ZNF317: variants seen among roughly 807,000 people sequenced by gnomAD.
ZNF317 encodes the protein KRAB-containing zinc finger protein 317.
Under a neutral mutation model 23.4 loss-of-function variants are expected in ZNF317, and 17 were observed. The observed-to-expected ratio is 0.73, with a 90% CI of 0.50 to 1.09. The LOEUF is 1.09. ZNF317 is among the 50% of genes least tolerant of loss of function. The pLI is 0.00. For synonymous variants in ZNF317, 317 were observed against 314.9 expected, an observed-to-expected ratio of 1.01 and a Z score of -0.07; for missense variants, 679 against 796.7, an observed-to-expected ratio of 0.85 and a Z score of 1.78.
chr19:9,161,573 C>G lies in ZNF317; in HGVS notation c.*140C>G, dbSNP rs1164206398. On this transcript the variant is annotated 3_prime_UTR_variant, in exon 7 of 7. Transcript: ENST00000247956. This position sits in a 1 kb window ranked among gnomAD's most constrained non-coding sequence, Gnocchi z 4.0. ...GGGAGAAGTCCAGTTCCTGTAAAAA[C>G]TGGGAAGACGAGGCGTTCTCATCCC... 10 of 1,335,684 alleles carry G rather than the reference C, an allele frequency of 7.5e-6. No individual in the cohort carries two copies. The highest frequency in any genetic ancestry group is 1.0e-5 in the Non-Finnish European group (10 of 986,680). The allele number at this position is 1,335,684 out of a possible 1,614,324, so 82.7% of individuals were successfully genotyped here. A position where few individuals can be genotyped will look rare whatever the true frequency, so the allele number is the denominator to read the frequency against.
rs1378088745 is a variant in ZNF317, at chr19:9,160,958, ACT to A, written c.1317_1318del (p.Thr441TrpfsTer44). The A allele has an allele frequency of 1.2e-6, 2 of 1,613,888 alleles. No individual in the cohort carries two copies. The highest frequency in any genetic ancestry group is 1.7e-6 in the Non-Finnish European group (2 of 1,180,002). Reference sequence around the variant, plus strand: ...CAGTCCATCCTTAAGACTCACATGAACTCTCACACTGGAGAGAAACCATACGG... The same window carrying A: ...CAGTCCATCCTTAAGACTCACATGAACTCACACTGGAGAGAAACCATACGG... On this transcript the variant is annotated frameshift_variant, in exon 7 of 7. Coordinates refer to ENST00000247956, the MANE Select transcript of ZNF317 (RefSeq NM_020933.5). LOFTEE classifies it low-confidence loss of function (END_TRUNC). The surrounding 1 kb of genome is among the most constrained non-coding windows in gnomAD (Gnocchi z 6.8).
At position 9,157,975 on chromosome 19, in the gene ZNF317, T is replaced by C. The variant is rs1377310882; in HGVS notation, c.290-5T>C. On this transcript the variant is annotated splice_polypyrimidine_tract_variant and splice_region_variant and intron_variant, in intron 4 of 6. Coordinates refer to ENST00000247956, the MANE Select transcript of ZNF317 (RefSeq NM_020933.5). The stretch of plus-strand genomic sequence containing the variant: ...CCTCAACCTGTGTCTTTCCCGTGAG[T>C]GTAGGGTATCAGGTCGGCAAACCCA... 2.6e-6 allele frequency: 4 copies of C among 1,550,846 alleles called. No homozygotes were observed. In the East Asian group the frequency reaches 7.3e-5, roughly 28 times the overall value.
At position 9,160,564 on chromosome 19, in the gene ZNF317, A is replaced by G. The variant is rs575143508; in HGVS notation, c.919A>G (p.Lys307Glu). The G allele has an allele frequency of 3.7e-6, 6 of 1,614,104 alleles. No homozygotes were observed. The highest frequency in any genetic ancestry group is 5.1e-6 in the Non-Finnish European group (6 of 1,180,028). Residue 307 changes from lysine to glutamate, a missense_variant, in exon 7 of 7, where the codon AAG becomes GAG. Coordinates refer to ENST00000247956, the MANE Select transcript of ZNF317 (RefSeq NM_020933.5). This position sits in a 1 kb window ranked among gnomAD's most constrained non-coding sequence, Gnocchi z 6.8. ...AGTTCACACTGGCGAGAGGCCTTAC[A>G]AGTGTGATCAGTGCGGGAAGGCTTA... ...MRVHTGERPY[K>E]CDQCGKAYGR...
Position 9,162,654 on chromosome 19 carries a change from A to G in ZNF317, c.*1221A>G, listed in dbSNP as rs1391340067. 6.6e-6 allele frequency: 1 copy of G among 151,648 alleles called. No homozygotes were observed. Among genetic ancestry groups the G allele is most frequent in the Non-Finnish European group, 1.5e-5 (1 of 67,966 alleles). The allele number at this position is 151,648 out of a possible 1,614,324, so 9.4% of individuals were successfully genotyped here. A position where few individuals can be genotyped will look rare whatever the true frequency, so the allele number is the denominator to read the frequency against. On this transcript the variant is annotated 3_prime_UTR_variant, in exon 7 of 7. Transcript: ENST00000247956. ...CATGAAAACAGAGCCCCGTTCATAA[A>G]TTTTTCATCTTTATTTTTAAGGTTA... is the stretch of plus-strand genomic sequence containing the variant.
intron 1 of ZNF317, among the ~76,000 whole-genome samples, chr19:9,155,442 A>G (rs2050773499): frequency 1.3e-5 from 2 of 152,208 alleles, no homozygotes; most frequent in Admixed American, 6.5e-5. Context: ...TTTCCAAATC[A>G]TTGCCTGTGA....
At position 9,160,027 on chromosome 19, in the gene ZNF317, G is replaced by A. The variant is rs766893595; in HGVS notation, c.469-87G>A. On this transcript the variant is annotated intron_variant, in intron 6 of 6. Coordinates refer to ENST00000247956, the MANE Select transcript of ZNF317 (RefSeq NM_020933.5). This position sits in a 1 kb window ranked among gnomAD's most constrained non-coding sequence, Gnocchi z 6.8. Reference sequence around the variant, plus strand: ...TAGTCATAGTAATGTGCTTCTATCTGTTCATAGCAGTGTATGTGGGGATGA... The same window carrying A: ...TAGTCATAGTAATGTGCTTCTATCTATTCATAGCAGTGTATGTGGGGATGA... 5.9e-5 allele frequency: 93 copies of A among 1,563,764 alleles called. No homozygotes were observed. Among genetic ancestry groups the A allele is most frequent in the Non-Finnish European group, 7.8e-5 (90 of 1,148,874 alleles).
In ZNF317 at chr19:9,150,685, T is replaced by G. The variant is rs1346602463; in HGVS notation, c.-92-5240T>G. Among the ~76,000 whole-genome samples the G allele has an allele frequency of 2.6e-5, 4 of 152,140 alleles. No homozygotes were observed. In the East Asian group the frequency reaches 7.7e-4, roughly 29 times the overall value. On this transcript the variant is annotated intron_variant, in intron 1 of 6. Transcript: ENST00000247956. Reference sequence around the variant, plus strand: ...CAGACTGGGATGAGTGGGCTATGGCTGCAAGAGCAGTGGCATTCCCAGGAA... The same window carrying G: ...CAGACTGGGATGAGTGGGCTATGGCGGCAAGAGCAGTGGCATTCCCAGGAA...
intron 1 of ZNF317, among the ~76,000 whole-genome samples, chr19:9,141,182 A>G (rs529080116): frequency 3.3e-5 from 5 of 152,124 alleles, no homozygotes; most frequent in African/African-American, 7.2e-5. Context: ...AATATTTTCC[A>G]TTGAATTTTA....
At chr19:9,149,594 A>T (rs1441273250) in intron 1 of ZNF317, among the ~76,000 whole-genome samples, 2 of 151,932 alleles carry the variant, frequency 1.3e-5, no homozygotes, top group Admixed American at 6.6e-5. Flanking sequence ...CAAGCAGAGG[A>T]GCAGCAGGTG....
In ZNF317 at chr19:9,156,104, G is replaced by C. The variant is rs917634360; in HGVS notation, c.25+63G>C. On this transcript the variant is annotated intron_variant, in intron 2 of 6. Coordinates refer to ENST00000247956, the MANE Select transcript of ZNF317 (RefSeq NM_020933.5). ...GTGCAAGTGGCCCCTGCCACTTGAT[G>C]GGGTGAAAGATACGTACACCATAGA... The C allele has an allele frequency of 4.4e-6, 7 of 1,594,422 alleles. No individual in the cohort carries two copies. The African/African-American group carries it at 9.4e-5, about 21-fold the overall frequency.
rs1420450068 is a variant in ZNF317 at position 9,140,403 on chromosome 19, G to A, written c.-282G>A. The stretch of plus-strand genomic sequence containing the variant: ...GCGAGAATTGGAAGGCGGCAGTGAA[G>A]CGGAAGCCATTACTCTCTGGAGTCG... On this transcript the variant is annotated 5_prime_UTR_variant, in exon 1 of 7. Transcript: ENST00000247956. The A allele has an allele frequency of 2.5e-6, 1 of 392,496 alleles. No homozygotes were observed. The allele number at this position is 392,496 out of a possible 1,614,324, so 24.3% of individuals were successfully genotyped here. A position where few individuals can be genotyped will look rare whatever the true frequency, so the allele number is the denominator to read the frequency against.
At position 9,161,548 on chromosome 19, in the gene ZNF317, G is replaced by A; in HGVS notation, c.*115G>A. 6.9e-7 allele frequency: 1 copy of A among 1,457,642 alleles called. No individual in the cohort carries two copies. The allele number at this position is 1,457,642 out of a possible 1,614,324, so 90.3% of individuals were successfully genotyped here. On this transcript the variant is annotated 3_prime_UTR_variant, in exon 7 of 7. Coordinates refer to ENST00000247956, the MANE Select transcript of ZNF317 (RefSeq NM_020933.5). The surrounding 1 kb of genome is among the most constrained non-coding windows in gnomAD (Gnocchi z 4.0). ...GGGTGCAAAAGAATCCACGGAACTTGGGAGAAGTCCAGTTCCTGTAAAAAC... is the reference window on the plus strand; with the variant it reads ...GGGTGCAAAAGAATCCACGGAACTTAGGAGAAGTCCAGTTCCTGTAAAAAC...
chr19:9,160,250 C>T lies in ZNF317; in HGVS notation c.605C>T (p.Ala202Val), dbSNP rs529554441. ...TATCACCGCCGCGACTATGGGGTAG[C>T]GTTCAAGGGCAGGCCGCACCTCACT... ...RPYHRRDYGV[A>V]FKGRPHLTQH... Residue 202 changes from alanine (A) to valine (V), a missense_variant, in exon 7 of 7, where the codon GCG (alanine) becomes GTG (valine). Physicochemically the swap from Ala to Val is moderately conservative, Grantham distance 64. Coordinates refer to ENST00000247956, the MANE Select transcript of ZNF317 (RefSeq NM_020933.5). This position sits in a 1 kb window ranked among gnomAD's most constrained non-coding sequence, Gnocchi z 6.8. 9 of 1,614,026 alleles carry T rather than the reference C, an allele frequency of 5.6e-6. No individual in the cohort carries two copies. The highest frequency in any genetic ancestry group is 2.7e-5 in the African/African-American group (2 of 74,912).
At chr19:9,157,734 G>A (rs2050801143) in intron 4 of ZNF317, 2 of 911,922 alleles carry the variant, frequency 2.2e-6, no homozygotes, top group Non-Finnish European at 2.9e-6. Flanking sequence ...TCACTATGTT[G>A]CCCAGACTGA....
In ZNF317 at chr19:9,157,737, C is replaced by T. The variant is rs2050801233; in HGVS notation, c.290-243C>T. The T allele has an allele frequency of 2.7e-6, 3 of 1,099,988 alleles. No individual in the cohort carries two copies. In the South Asian group the frequency reaches 8.4e-5, roughly 31 times the overall value. 68.1% of individuals were successfully genotyped at this position (1,099,988 alleles called of 1,614,324 possible). A position where few individuals can be genotyped will look rare whatever the true frequency, so the allele number is the denominator to read the frequency against. ...GATGAAGGGTTCTCACTATGTTGCC[C>T]AGACTGATCTTGAACTCCTGGCTAC... On this transcript the variant is annotated intron_variant, in intron 4 of 6. Coordinates refer to ENST00000247956, the MANE Select transcript of ZNF317 (RefSeq NM_020933.5).
Position 9,156,763 on chromosome 19 carries a change from C to T in ZNF317, c.162+15C>T. On this transcript the variant is annotated intron_variant, in intron 3 of 6. Coordinates refer to ENST00000247956, the MANE Select transcript of ZNF317 (RefSeq NM_020933.5). The stretch of plus-strand genomic sequence containing the variant: ...TTGGTTCCCAGGTGCACTAAGATCT[C>T]TGGGTCCCTAGAGCAGGAGAGGCAC... 1.9e-6 allele frequency: 3 copies of T among 1,612,374 alleles called. No individual in the cohort carries two copies. The highest frequency in any genetic ancestry group is 2.5e-6 in the Non-Finnish European group (3 of 1,179,208).
intron 1 of ZNF317, among the ~76,000 whole-genome samples, chr19:9,146,940 G>A (rs1316755423): frequency 6.6e-6 from 1 of 152,174 alleles, no homozygotes; most frequent in Non-Finnish European, 1.5e-5. Flanking sequence ...ACAGTTTTGG[G>A]CAACATTTGT....
At chr19:9,157,556 A>G in intron 4 of ZNF317, 162 bp downstream of exon 4, 1 of 888,422 alleles carries the variant, frequency 1.1e-6, no homozygotes, top group Non-Finnish European at 1.7e-6. Flanking sequence ...ATCGAGGCCC[A>G]TCTATTGCAG....
intron 1 of ZNF317, among the ~76,000 whole-genome samples, chr19:9,143,304 G>C (rs1356424283): frequency 6.6e-6 from 1 of 151,954 alleles, no homozygotes; most frequent in Non-Finnish European, 1.5e-5. Flanking sequence ...TCTTCTTAAA[G>C]AACTTCTGGC....
Sources: allele counts gnomAD v4.1 joint callset (sites outside exome capture counted in the v4.1 genomes callset), GRCh38; gene constraint gnomAD v4.1.1; non-coding constraint Gnocchi (gnomAD v3.1); transcripts MANE v1.5; gene names NCBI Gene and HGNC (gene_info 2026-07-23, HGNC 2026-07-21).